FRAS1: variants seen among roughly 807,000 people sequenced by gnomAD.
FRAS1 encodes extracellular matrix organizing protein FRAS1.
Under a neutral mutation model 435.2 loss-of-function variants are expected in FRAS1, and 290 were observed. The observed-to-expected ratio is 0.67, with a 90% CI of 0.61 to 0.73. The LOEUF is 0.73. Among genes scored for constraint, FRAS1 ranks in the 30% least tolerant of loss-of-function variants. The pLI, the probability that FRAS1 is intolerant of heterozygous loss-of-function variation, is 0.00. For synonymous variants in FRAS1, 1,800 were observed against 1,851.0 expected (o/e 0.97, Z 0.71); for missense variants, 4,860 against 5,001.5 (o/e 0.97, Z 0.85).
intron 2 of FRAS1, among the ~76,000 whole-genome samples, chr4:78,217,168 G>T (rs1723803486): frequency 6.6e-6 from 1 of 152,088 alleles, no homozygotes; most frequent in African/African-American, 2.4e-5. Context: ...GAGAGAGAGA[G>T]AATTTGCCCT....
chr4:78,539,158 G>A (rs1209653370), intron 72 of FRAS1, 136 bp from the exon 73 acceptor site: 2 of 733,476 alleles, frequency 2.7e-6, no homozygotes, highest in African/African-American at 1.8e-5. Context: ...TATGGAGAGG[G>A]CTTCACAGCA....
chr4:78,255,168 GCACGCC>G, intron 5 of FRAS1, 68 bp from the exon 6 acceptor site: 1 of 1,463,670 alleles, frequency 6.8e-7, no homozygotes, highest in East Asian at 2.5e-5. Flanking sequence ...TGCACTGGCT[GCACGCC>G]CATGCAGTCA....
At position 78,061,315 on chromosome 4, in the gene FRAS1, C is replaced by T. The variant is rs535541114; in HGVS notation, c.76+3230C>T. On this transcript the variant is annotated intron_variant, in intron 1 of 73. Coordinates refer to ENST00000512123, the MANE Select transcript of FRAS1 (RefSeq NM_025074.7). ...CACAAAGAAGCTTCTAACATGGCTG[C>T]TTTCTGAATCACAGAAACTCTACCA... Among the ~76,000 whole-genome samples the T allele has an allele frequency of 3.9e-5, 6 of 152,282 alleles. No individual in the cohort carries two copies. The East Asian group carries it at 9.6e-4, about 24-fold the overall frequency.
chr4:78,432,654 T>C lies in FRAS1; in HGVS notation c.5217+50T>C, dbSNP rs1467856188. 2.0e-6 allele frequency: 3 copies of C among 1,507,584 alleles called. No homozygotes were observed. In the Admixed American group the frequency reaches 6.4e-5, roughly 32 times the overall value. 93.4% of individuals were successfully genotyped at this position (1,507,584 alleles called of 1,614,324 possible). A position where few individuals can be genotyped will look rare whatever the true frequency, so the allele number is the denominator to read the frequency against. On this transcript the variant is annotated intron_variant, in intron 38 of 73. Coordinates refer to ENST00000512123, the MANE Select transcript of FRAS1 (RefSeq NM_025074.7). Reference sequence around the variant, plus strand: ...TGTTCTCCACCGCCGCATCTTCTGATGGGGCAGACTGGGCAGCAATGCCAT... The same window carrying C: ...TGTTCTCCACCGCCGCATCTTCTGACGGGGCAGACTGGGCAGCAATGCCAT...
At chr4:78,441,560 G>C (rs1296319991) in intron 41 of FRAS1, among the ~76,000 whole-genome samples, 2 of 151,806 alleles carry the variant, frequency 1.3e-5, no homozygotes, top group African/African-American at 4.8e-5. Context: ...CAATTCTGGT[G>C]GGGGGGTGAG....
In FRAS1 at chr4:78,263,281, T is replaced by G. The variant is rs1444002654; in HGVS notation, c.604-1744T>G. Among the ~76,000 whole-genome samples, 6 of 152,282 alleles carry G rather than the reference T, an allele frequency of 3.9e-5. No homozygotes were observed. The South Asian group carries it at 1.0e-3, about 26-fold the overall frequency. On this transcript the variant is annotated intron_variant, in intron 6 of 73. Coordinates refer to ENST00000512123, the MANE Select transcript of FRAS1 (RefSeq NM_025074.7). ...TCTCTTGTTTCCTGAAAATTTTTTCTTTAATGCTTTTCCTTCCTGCTCTTG... is the reference window on the plus strand; with the variant it reads ...TCTCTTGTTTCCTGAAAATTTTTTCGTTAATGCTTTTCCTTCCTGCTCTTG...
rs1287218233 is a variant in FRAS1, at chr4:78,418,857, G to C, written c.4426-92G>C. Reference sequence around the variant, plus strand: ...TAAGTGTGACTAATTTAAAAGCCCAGAGCAATTTTTTTTTCTTAATAAGGT... The same window carrying C: ...TAAGTGTGACTAATTTAAAAGCCCACAGCAATTTTTTTTTCTTAATAAGGT... On this transcript the variant is annotated intron_variant, in intron 32 of 73. Transcript: ENST00000512123. 13 of 693,990 alleles carry C rather than the reference G, an allele frequency of 1.9e-5. No homozygotes were observed. In the East Asian group the frequency reaches 3.6e-4, roughly 19 times the overall value. 43.0% of individuals were successfully genotyped at this position (693,990 alleles called of 1,614,324 possible).
chr4:78,207,741 C>T (rs1006060714), intron 2 of FRAS1, among the ~76,000 whole-genome samples: 1 of 152,194 alleles, frequency 6.6e-6, no homozygotes, highest in African/African-American at 2.4e-5. Flanking sequence ...GCTCCTATAA[C>T]TTCTTCCAAT....
chr4:78,154,096 A>T (rs1720782712), intron 2 of FRAS1, among the ~76,000 whole-genome samples: 1 of 152,054 alleles, frequency 6.6e-6, no homozygotes, highest in Non-Finnish European at 1.5e-5. Context: ...GCCACTTGTA[A>T]TTTATAGTTT....
intron 23 of FRAS1, among the ~76,000 whole-genome samples, chr4:78,371,091 G>GTTTTTTTTTTT (rs369342938): frequency 2.4e-5 from 3 of 124,308 alleles, no homozygotes; most frequent in African/African-American, 5.7e-5. Flanking sequence ...CTGTTTTTTT[G>GTTTTTTTTTTT]TTTTTTTTTT....
chr4:78,112,458 T>C (rs1406539798), intron 2 of FRAS1, among the ~76,000 whole-genome samples: 1 of 152,112 alleles, frequency 6.6e-6, no homozygotes, highest in Non-Finnish European at 1.5e-5. Context: ...GTGACTTTTT[T>C]TTCTGATAAC....
At chr4:78,331,966 C>A (rs1473623562) in intron 18 of FRAS1, among the ~76,000 whole-genome samples, 1 of 151,948 alleles carries the variant, frequency 6.6e-6, no homozygotes, top group Admixed American at 6.6e-5. Context: ...AAGGGGAGCA[C>A]GAGGGTCAGT....
At chr4:78,256,582 T>G (rs1172155186) in intron 6 of FRAS1, among the ~76,000 whole-genome samples, 1 of 152,226 alleles carries the variant, frequency 6.6e-6, no homozygotes, top group Non-Finnish European at 1.5e-5. Context: ...AGACTGCATA[T>G]TAGGGGACCA....
chr4:78,401,018 TA>T, intron 30 of FRAS1, 131 bp downstream of exon 30: 1 of 764,264 alleles, frequency 1.3e-6, no homozygotes, highest in Non-Finnish European at 2.0e-6. Flanking sequence ...AAATCCCCTT[TA>T]AAAACAGAAT....
In FRAS1 at chr4:78,428,182, C is replaced by T. The variant is rs115483727; in HGVS notation, c.4712-913C>T. Among the ~76,000 whole-genome samples, 1,465 of 152,230 alleles carry T rather than the reference C, an allele frequency of 9.6e-3. 25 individuals carry two copies. Among genetic ancestry groups the T allele is most frequent in the African/African-American group, 0.034 (1,405 of 41,524 alleles). On this transcript the variant is annotated intron_variant, in intron 35 of 73. Transcript: ENST00000512123. ...GATGTTCACTTGGATGTCAAAAAATCCAGGGAAATAAAATCTTAAGGTCAC... is the reference window on the plus strand; with the variant it reads ...GATGTTCACTTGGATGTCAAAAAATTCAGGGAAATAAAATCTTAAGGTCAC...
At chr4:78,173,781 T>C (rs1578166509) in intron 2 of FRAS1, among the ~76,000 whole-genome samples, 2 of 152,336 alleles carry the variant, frequency 1.3e-5, no homozygotes, top group African/African-American at 2.4e-5. Context: ...TAAGACATTC[T>C]AATTTCTTAC....
chr4:78,369,545 G>A (rs1450455671), intron 22 of FRAS1, among the ~76,000 whole-genome samples: 3 of 152,132 alleles, frequency 2.0e-5, no homozygotes, highest in Non-Finnish European at 4.4e-5. Flanking sequence ...ATAATTCCAG[G>A]GATCTTAGAG....
chr4:78,163,016 T>G (rs1285391991), intron 2 of FRAS1, among the ~76,000 whole-genome samples: 2 of 152,206 alleles, frequency 1.3e-5, no homozygotes, highest in Non-Finnish European at 2.9e-5. Context: ...CATGCGGGGC[T>G]AGACGCCTTC....
chr4:78,120,130 G>T (rs1204487677), intron 2 of FRAS1, among the ~76,000 whole-genome samples: 1 of 152,194 alleles, frequency 6.6e-6, no homozygotes, highest in Non-Finnish European at 1.5e-5. Flanking sequence ...GGAATTGGCA[G>T]CATGTTTGGT....
Sources: gnomAD v4.1 joint callset for allele counts (sites outside exome capture counted in the v4.1 genomes callset) on GRCh38, gnomAD v4.1.1 for gene constraint, MANE v1.5 for transcripts, NCBI Gene and HGNC (gene_info 2026-07-23, HGNC 2026-07-21) for gene names.